SYNE2: variants seen among roughly 807,000 people sequenced by gnomAD.
SYNE2 encodes nesprin-2.
Under a neutral mutation model 856.3 loss-of-function variants are expected in SYNE2, and 431 were observed. The observed-to-expected ratio is 0.50, with a 90% CI of 0.47 to 0.55. SYNE2 has a LOEUF of 0.55. Among genes scored for constraint, SYNE2 ranks in the 20% least tolerant of loss-of-function variants. The pLI is 0.00. For synonymous variants in SYNE2, 2,923 were observed against 2,872.3 expected, an observed-to-expected ratio of 1.02 and a Z score of -0.56; for missense variants, 8,129 against 8,023.2, an observed-to-expected ratio of 1.01 and a Z score of -0.50.
At chr14:64,113,661 T>C in intron 66 of SYNE2, 90 bp downstream of exon 66, 1 of 1,361,094 alleles carries the variant, frequency 7.3e-7, no homozygotes. Context: ...ACACTGTTTT[T>C]CTTTCTGTTA....
intron 57 of SYNE2, among the ~76,000 whole-genome samples, chr14:64,086,910 A>G (rs185178179): frequency 1.3e-5 from 2 of 151,530 alleles, no homozygotes; most frequent in East Asian, 1.9e-4. Flanking sequence ...GGGTTTTGCC[A>G]TGTTGGCCAG....
intron 1 of SYNE2, among the ~76,000 whole-genome samples, chr14:63,893,465 G>T (rs2095182030): frequency 6.6e-6 from 1 of 152,174 alleles, no homozygotes; most frequent in African/African-American, 2.4e-5. Context: ...CTACTCAGGA[G>T]GCTGAGGTGG....
chr14:63,804,701 T>A (rs1242523447), intron 1 of SYNE2, among the ~76,000 whole-genome samples: 2 of 152,066 alleles, frequency 1.3e-5, no homozygotes, highest in African/African-American at 4.8e-5. Context: ...TCCATGTTGG[T>A]CAGGCTGATC....
chr14:64,188,940 C>G, intron 98 of SYNE2: 1 of 704,190 alleles, frequency 1.4e-6, no homozygotes, highest in Non-Finnish European at 2.6e-6. Flanking sequence ...AGGAGAGTTG[C>G]TTTCTCTCCA....
chr14:63,950,007 G>A lies in SYNE2; in HGVS notation c.590+1G>A, dbSNP rs200710419. 6.2e-6 allele frequency: 10 copies of A among 1,614,032 alleles called. No individual in the cohort carries two copies. The highest frequency in any genetic ancestry group is 1.3e-5 in the African/African-American group (1 of 75,028). ...TGTGGGCTCAGGAACAATGCGCCACGTAAGTAGTTTGCTATGACCCTAAGA... is the reference window on the plus strand; with the variant it reads ...TGTGGGCTCAGGAACAATGCGCCACATAAGTAGTTTGCTATGACCCTAAGA... On this transcript the variant is annotated splice_donor_variant, in intron 7 of 115. Coordinates refer to ENST00000555002, the MANE Select transcript of SYNE2 (RefSeq NM_182914.3). LOFTEE classifies it high-confidence loss of function.
At chr14:64,224,103 G>A (rs1273169857) in intron 113 of SYNE2, among the ~76,000 whole-genome samples, 2 of 149,444 alleles carry the variant, frequency 1.3e-5, no homozygotes, top group Non-Finnish European at 2.9e-5. Flanking sequence ...CCAGCACTTG[G>A]GGAGGCCAAG....
intron 48 of SYNE2, among the ~76,000 whole-genome samples, chr14:64,054,431 C>G (rs1256844053): frequency 6.6e-6 from 1 of 152,184 alleles, no homozygotes; most frequent in East Asian, 1.9e-4. Flanking sequence ...CTATTATTAG[C>G]CCCGTTTAAA....
chr14:64,017,853 T>TATA (rs2096905392), intron 34 of SYNE2, 97 bp downstream of exon 34: 1 of 1,242,594 alleles, frequency 8.0e-7, no homozygotes, highest in Non-Finnish European at 1.2e-6. Context: ...TGCTCATATG[T>TATA]GACTTTGTTA....
In SYNE2 at chr14:64,125,117, G is replaced by C. The variant is rs201681637; in HGVS notation, c.13461G>C (p.Met4487Ile). ...TGGGTATTCTACCCAGCGTGACTAT[G>C]TATAACTTTAGATACCCAACAACTG... ...TNMGILPSVT[M>I]YNFRYPTTEE... Residue 4487 changes from methionine (M) to isoleucine (I), a missense_variant, in exon 71 of 116, where the codon ATG becomes ATC. Physicochemically the swap from Met to Ile is conservative, Grantham distance 10. Transcript: ENST00000555002. The C allele has an allele frequency of 6.2e-7, 1 of 1,614,168 alleles. No individual in the cohort carries two copies. The highest frequency in any genetic ancestry group is 8.5e-7 in the Non-Finnish European group (1 of 1,180,026).
intron 80 of SYNE2, 70 bp downstream of exon 80, chr14:64,140,143 T>C: frequency 6.7e-7 from 1 of 1,485,296 alleles, no homozygotes; most frequent in Non-Finnish European, 9.3e-7. Context: ...AGCATCAGGG[T>C]TGATGTGATA....
At chr14:64,203,838 G>A (rs77722893) in intron 100 of SYNE2, among the ~76,000 whole-genome samples, 8,948 of 152,174 alleles carry the variant, frequency 0.059, 405 homozygotes, top group Non-Finnish European at 0.095. Context: ...CTTGGAGACC[G>A]GATTGGGGGT....
chr14:64,105,321 T>G (rs556006848), intron 64 of SYNE2, among the ~76,000 whole-genome samples: 7 of 152,332 alleles, frequency 4.6e-5, no homozygotes, highest in African/African-American at 1.4e-4. Flanking sequence ...AGCGTGACAT[T>G]CCAGATTTTC....
At chr14:63,840,512 CT>C (rs779817027) in intron 1 of SYNE2, among the ~76,000 whole-genome samples, 93 of 120,402 alleles carry the variant, frequency 7.7e-4, no homozygotes, top group Admixed American at 9.2e-4. Context: ...TCCTTCCTTC[CT>C]TTTTTTTTTT....
At chr14:63,911,745 C>T (rs1360482170) in intron 2 of SYNE2, among the ~76,000 whole-genome samples, 1 of 152,212 alleles carries the variant, frequency 6.6e-6, no homozygotes, top group Non-Finnish European at 1.5e-5. Flanking sequence ...TTAGCCTTAA[C>T]CTATTCAATC....
chr14:64,032,955 C>T (rs2097053049), intron 45 of SYNE2, among the ~76,000 whole-genome samples: 1 of 152,122 alleles, frequency 6.6e-6, no homozygotes, highest in South Asian at 2.1e-4. Flanking sequence ...ATCCCTTGAG[C>T]CCAGGAGTTT....
intron 1 of SYNE2, among the ~76,000 whole-genome samples, chr14:63,892,729 C>CTTTTT (rs11293385): frequency 5.4e-5 from 7 of 130,244 alleles, no homozygotes; most frequent in East Asian, 2.2e-4. Context: ...GGTGTACTTT[C>CTTTTT]TTTTTTTTTT....
intron 13 of SYNE2, among the ~76,000 whole-genome samples, chr14:63,978,527 A>T (rs2096562002): frequency 6.6e-6 from 1 of 152,208 alleles, no homozygotes; most frequent in South Asian, 2.1e-4. Context: ...AACTTAGATT[A>T]TAGTTTTATT....
chr14:63,824,945 A>C lies in SYNE2; in HGVS notation c.-304-27556A>C, dbSNP rs370501314. 2.1e-4 allele frequency among the ~76,000 whole-genome samples: 32 copies of C among 152,204 alleles called. No individual in the cohort carries two copies. In the South Asian group the frequency reaches 6.4e-3, roughly 31 times the overall value. On this transcript the variant is annotated intron_variant, in intron 1 of 23. Coordinates refer to the SYNE2 transcript ENST00000674003. ...TCAGGAGTTTGAGACCAGCCTGGCC[A>C]ACACAGTGAAACCCCATCTCTACTA...
chr14:63,793,950 A>G (rs895187617), intron 1 of SYNE2, among the ~76,000 whole-genome samples: 2 of 147,414 alleles, frequency 1.4e-5, no homozygotes, highest in Admixed American at 6.9e-5. Context: ...AAAAAAAAAA[A>G]GAAAAAAGAA....
Sources: gnomAD v4.1 joint callset for allele counts (sites outside exome capture counted in the v4.1 genomes callset) on GRCh38, gnomAD v4.1.1 for gene constraint, MANE v1.5 for transcripts, NCBI Gene and HGNC (gene_info 2026-07-23, HGNC 2026-07-21) for gene names.